CHGB: variants seen among roughly 807,000 people sequenced by gnomAD.
The protein encoded by CHGB is secretogranin-1.
CHGB carries 46 observed loss-of-function variants against 69.9 expected under a neutral mutation model. The ratio of observed to expected loss-of-function variants is 0.66; its 90% confidence interval spans 0.52 to 0.84. CHGB has a LOEUF of 0.84. CHGB is among the 40% of genes least tolerant of loss of function. The probability of loss-of-function intolerance (pLI) is 0.00; values close to 1 mark genes in which losing one functional copy is unlikely to be tolerated. For missense variants in CHGB, 796 were observed against 822.2 expected (o/e 0.97, Z 0.39); for synonymous variants, 312 against 298.2 (o/e 1.05, Z -0.48).
intron 1 of CHGB, chr20:5,915,523 G>A (rs2088470353): frequency 6.6e-6 from 1 of 152,148 alleles, no homozygotes; most frequent in South Asian, 2.1e-4. Flanking sequence ...AGCTTGTTCA[G>A]GCAAAGGCCT....
intron 1 of CHGB, chr20:5,915,367 T>C (rs1183841835): frequency 6.6e-6 from 1 of 152,240 alleles, no homozygotes; most frequent in African/African-American, 2.4e-5. Flanking sequence ...AAAATATTCT[T>C]ATAAACCAAT....
Position 5,925,269 on chromosome 20 carries a change from A to G in CHGB, c.*220A>G, listed in dbSNP as rs2088543585. On this transcript the variant is annotated 3_prime_UTR_variant, in exon 5 of 5. Transcript: ENST00000378961. ...GCATATTCTTTTCTGCAAAATAGACATATTAACATGCTTATGACAATGACT... is the reference window on the plus strand; with the variant it reads ...GCATATTCTTTTCTGCAAAATAGACGTATTAACATGCTTATGACAATGACT... 1.3e-5 allele frequency: 5 copies of G among 394,814 alleles called. No homozygotes were observed. The highest frequency in any genetic ancestry group is 2.3e-5 in the Non-Finnish European group (5 of 217,764). The allele number at this position is 394,814 out of a possible 1,614,324, so 24.5% of individuals were successfully genotyped here. A position where few individuals can be genotyped will look rare whatever the true frequency, so the allele number is the denominator to read the frequency against.
At position 5,922,784 on chromosome 20, in the gene CHGB, G is replaced by A. The variant is rs372742451; in HGVS notation, c.640G>A (p.Val214Met). The change falls in exon 4 of 5, where the codon GTG becomes ATG. Residue 214 changes from valine to methionine, a missense_variant. Around this residue, in one of 3 missense-constraint regions of CHGB, gnomAD observed 518 missense variants for 506.3 expected, o/e 1.02. Coordinates refer to ENST00000378961, the MANE Select transcript of CHGB (RefSeq NM_001819.3). ...QASAIKKEEL[V>M]ARSETHAAGH... ...TTCAGCTATAAAAAAAGAGGAGTTA[G>A]TGGCCAGATCGGAAACACATGCTGC... The A allele has an allele frequency of 1.7e-5, 28 of 1,614,040 alleles. No individual in the cohort carries two copies. Among genetic ancestry groups the A allele is most frequent in the Non-Finnish European group, 2.2e-5 (26 of 1,180,040 alleles).
Position 5,922,691 on chromosome 20 carries a change from A to G in CHGB, c.547A>G (p.Ser183Gly), listed in dbSNP as rs752773573. 5 of 1,614,032 alleles carry G rather than the reference A, an allele frequency of 3.1e-6. No individual in the cohort carries two copies. Among genetic ancestry groups the G allele is most frequent in the Non-Finnish European group, 4.2e-6 (5 of 1,179,894 alleles). The change falls in exon 4 of 5, where the codon AGT (serine) becomes GGT (glycine). Residue 183 changes from serine (S) to glycine (G), a missense_variant. Physicochemically the swap from Ser to Gly is moderately conservative, Grantham distance 56. Coordinates refer to ENST00000378961, the MANE Select transcript of CHGB (RefSeq NM_001819.3). ...YQKGERGEDS[S>G]EEKHLEEPGE... ...AAAAGGGGAGCGAGGGGAAGATAGC[A>G]GTGAAGAGAAACACCTTGAAGAGCC...
intron 2 of CHGB, 52 bp from the exon 3 acceptor site, chr20:5,916,774 C>T (rs1272206105): frequency 6.5e-7 from 1 of 1,541,208 alleles, no homozygotes; most frequent in East Asian, 2.2e-5. Flanking sequence ...GTTGAGTAGT[C>T]TGTCATCCAG....
Position 5,924,113 on chromosome 20 carries a change from GCTTCTGTTTAAAAGTACTTA to G in CHGB, c.1956+16_1956+35del. On this transcript the variant is annotated intron_variant, in intron 4 of 4. Transcript: ENST00000378961. The stretch of plus-strand genomic sequence containing the variant: ...GACAGAGGACGAGGTATGGTCTAGG[GCTTCTGTTTAAAAGTACTTA>G]CTCTGGTCAATGTTAGCACATTATG... 6.3e-7 allele frequency: 1 copy of G among 1,578,190 alleles called. No homozygotes were observed. The highest frequency in any genetic ancestry group is 8.6e-7 in the Non-Finnish European group (1 of 1,163,294).
At chr20:5,924,584 A>G (rs2088538770) in intron 4 of CHGB, among the ~76,000 whole-genome samples, 2 of 152,138 alleles carry the variant, frequency 1.3e-5, no homozygotes, top group Non-Finnish European at 2.9e-5. Context: ...TATCTTTATT[A>G]TTTCATGCCC....
In CHGB at chr20:5,923,382, CG is replaced by C; in HGVS notation, c.1241del (p.Gly414GlufsTer105). 1 of 1,613,712 alleles carries C rather than the reference CG, an allele frequency of 6.2e-7. No homozygotes were observed. Among genetic ancestry groups the C allele is most frequent in the Non-Finnish European group, 8.5e-7 (1 of 1,179,976 alleles). ...EESEEERGLE[P>X]GKGRHHRGRG... Reference sequence around the variant, plus strand: ...AGTGAGGAAGAGAGGGGCCTTGAGCCGGGAAAGGGACGCCATCACAGAGGCA... The same window carrying C: ...AGTGAGGAAGAGAGGGGCCTTGAGCCGGAAAGGGACGCCATCACAGAGGCA... On this transcript the variant is annotated frameshift_variant, in exon 4 of 5. Transcript: ENST00000378961. LOFTEE classifies it high-confidence loss of function.
At chr20:5,914,415 G>A (rs1227710220) in intron 1 of CHGB, among the ~76,000 whole-genome samples, 1 of 151,962 alleles carries the variant, frequency 6.6e-6, no homozygotes, top group African/African-American at 2.4e-5. Flanking sequence ...GTTGTCTAGA[G>A]TAATAAAAGA....
intron 1 of CHGB, among the ~76,000 whole-genome samples, chr20:5,912,190 TAA>T (rs1459897117): frequency 6.6e-6 from 1 of 152,206 alleles, no homozygotes; most frequent in Admixed American, 6.5e-5. Context: ...CATATATATA[TAA>T]GATATATCCC....
At chr20:5,919,203 A>G (rs764067485) in intron 3 of CHGB, among the ~76,000 whole-genome samples, 18 of 152,206 alleles carry the variant, frequency 1.2e-4, no homozygotes, top group Non-Finnish European at 2.5e-4. Flanking sequence ...GCCTGCCAAG[A>G]TCTTAGCCCT....
At chr20:5,914,959 A>C (rs1226136791) in intron 1 of CHGB, among the ~76,000 whole-genome samples, 1 of 152,240 alleles carries the variant, frequency 6.6e-6, no homozygotes, top group African/African-American at 2.4e-5. Flanking sequence ...AGAGGCTTAG[A>C]GCAAAGCATT....
Position 5,911,668 on chromosome 20 carries a change from C to A in CHGB, c.35C>A (p.Ala12Asp). 3 of 1,490,094 alleles carry A rather than the reference C, an allele frequency of 2.0e-6. No individual in the cohort carries two copies. Among genetic ancestry groups the A allele is most frequent in the Non-Finnish European group, 2.7e-6 (3 of 1,124,834 alleles). 92.3% of individuals were successfully genotyped at this position (1,490,094 alleles called of 1,614,324 possible). Residue 12 changes from alanine (A) to aspartate (D), a missense_variant, in exon 1 of 5, where the codon GCC becomes GAC. This residue lies in a region of CHGB where 518 missense variants were observed against 506.3 expected (regional missense o/e 1.02). Coordinates refer to ENST00000378961, the MANE Select transcript of CHGB (RefSeq NM_001819.3). The stretch of plus-strand genomic sequence containing the variant: ...ACGCTGCTTCTCAGCCTCCTGGGAG[C>A]CGTGGGGCTGGCGGGTGAGTGGGCG... ...QPTLLLSLLG[A>D]VGLAAVNSMP... is the part of the protein sequence containing the mutation.
intron 1 of CHGB, 157 bp from the exon 2 acceptor site, chr20:5,916,169 G>T: frequency 1.6e-6 from 1 of 633,408 alleles, no homozygotes. Context: ...GTCTAGATTT[G>T]ATTTATACCG....
At chr20:5,919,739 A>G (rs2088502648) in intron 3 of CHGB, among the ~76,000 whole-genome samples, 1 of 152,170 alleles carries the variant, frequency 6.6e-6, no homozygotes, top group South Asian at 2.1e-4. Context: ...TCTTGTTGGC[A>G]TGTCGTAAAC....
chr20:5,923,839 A>C lies in CHGB; in HGVS notation c.1695A>C (p.Glu565Asp), dbSNP rs764184431. ...TGAACGAGAAGAATTTCTTCCCAGA[A>C]TACAACTATGACTGGTGGGAGAAAA... ...LTLNEKNFFP[E>D]YNYDWWEKKP... Residue 565 changes from glutamate to aspartate, a missense_variant, in exon 4 of 5, where the codon GAA (glutamate) becomes GAC (aspartate). Around this residue, in one of 3 missense-constraint regions of CHGB, gnomAD observed 274 missense variants for 298.9 expected, o/e 0.92. Coordinates refer to ENST00000378961, the MANE Select transcript of CHGB (RefSeq NM_001819.3). 1.2e-6 allele frequency: 2 copies of C among 1,614,214 alleles called. No homozygotes were observed.
chr20:5,915,531 C>A (rs1327245136), intron 1 of CHGB: 2 of 152,018 alleles, frequency 1.3e-5, no homozygotes, highest in Non-Finnish European at 2.9e-5. Flanking sequence ...CAGGCAAAGG[C>A]CTTGCGGGTG....
intron 3 of CHGB, among the ~76,000 whole-genome samples, chr20:5,918,902 G>C (rs760854910): frequency 6.6e-6 from 1 of 150,990 alleles, no homozygotes; most frequent in African/African-American, 2.4e-5. Flanking sequence ...GTAGCTGTGG[G>C]GGCCTGAGCC....
intron 1 of CHGB, among the ~76,000 whole-genome samples, chr20:5,914,943 G>A (rs2088467030): frequency 6.6e-6 from 1 of 152,234 alleles, no homozygotes. Flanking sequence ...GGTGGGGAAT[G>A]TTTAAAGAGG....
Sources: allele counts gnomAD v4.1 joint callset (sites outside exome capture counted in the v4.1 genomes callset), GRCh38; gene constraint gnomAD v4.1.1; regional missense constraint gnomAD v4.1.1; transcripts MANE v1.5; gene names NCBI Gene and HGNC (gene_info 2026-07-23, HGNC 2026-07-21).